Variants in NDUFAF6 observed in about 807,000 individuals in gnomAD.
NDUFAF6 encodes NADH:ubiquinone oxidoreductase complex assembly factor 6, also known as NADH dehydrogenase (ubiquinone) complex I, assembly factor 6.
Under a neutral mutation model 40.8 loss-of-function variants are expected in NDUFAF6, and 45 were observed. That is an observed-to-expected ratio of 1.10 (90% confidence interval 0.87 to 1.42). The LOEUF is 1.42. Among genes scored for constraint, NDUFAF6 ranks in the 40% most tolerant of loss-of-function variants. The probability of loss-of-function intolerance (pLI) is 0.00; values close to 1 mark genes in which losing one functional copy is unlikely to be tolerated. For synonymous variants in NDUFAF6, 185 were observed against 155.9 expected (o/e 1.19, Z -1.39); for missense variants, 435 against 418.5 (o/e 1.04, Z -0.34).
upstream of NDUFAF6, among the ~76,000 whole-genome samples, chr8:95,020,124 G>A (rs910466758): frequency 2.0e-5 from 3 of 152,158 alleles, no homozygotes; most frequent in Non-Finnish European, 2.9e-5. Flanking sequence ...GCTTGAACCC[G>A]GGAGGTGGAA....
intron 1 of NDUFAF6, chr8:94,930,439 G>A (rs1586686984): frequency 6.2e-7 from 1 of 1,611,178 alleles, no homozygotes; most frequent in Non-Finnish European, 8.5e-7. Context: ...ATACATGTAA[G>A]CACAAACCAA....
At chr8:94,910,866 G>T (rs1422946314) in intron 1 of NDUFAF6, among the ~76,000 whole-genome samples, 1 of 95,250 alleles carries the variant, frequency 1.0e-5, no homozygotes, top group Admixed American at 1.1e-4. Context: ...TAAAAAGTAT[G>T]GTTCATCTAT....
At chr8:94,956,162 C>T (rs888845719), upstream of NDUFAF6, among the ~76,000 whole-genome samples, 14 of 152,200 alleles carry the variant, frequency 9.2e-5, no homozygotes, top group South Asian at 2.3e-3. Context: ...TCAGTGGTTC[C>T]GAGGTTAATG....
At chr8:95,079,738 A>G (rs964770898), downstream of NDUFAF6, among the ~76,000 whole-genome samples, 3 of 150,448 alleles carry the variant, frequency 2.0e-5, no homozygotes, top group Non-Finnish European at 4.4e-5. Flanking sequence ...TTTTTGAGAC[A>G]GGGTCTTGCT....
At chr8:95,005,883 G>A (rs534277638) in intron 2 of NDUFAF6, among the ~76,000 whole-genome samples, 61 of 152,180 alleles carry the variant, frequency 4.0e-4, no homozygotes, top group African/African-American at 1.5e-3. Context: ...AACTATGCAT[G>A]CTTCCCCAGG....
At chr8:95,114,035 T>G (rs10102994) in intron 4 of NDUFAF6, among the ~76,000 whole-genome samples, 1 of 138,650 alleles carries the variant, frequency 7.2e-6, no homozygotes, top group African/African-American at 2.8e-5. Flanking sequence ...AGGGATAGCA[T>G]TGGGAGATAT....
downstream of NDUFAF6, among the ~76,000 whole-genome samples, chr8:95,116,709 G>A (rs1810143766): frequency 1.3e-5 from 2 of 152,166 alleles, no homozygotes; most frequent in Admixed American, 1.3e-4. Flanking sequence ...ATGTATTTAA[G>A]AGAACTGAAA....
intron 2 of NDUFAF6, among the ~76,000 whole-genome samples, chr8:95,083,034 G>C (rs572885124): frequency 1.1e-4 from 16 of 152,262 alleles, no homozygotes; most frequent in African/African-American, 3.9e-4. Flanking sequence ...TCCCGTCTCA[G>C]CCTCCCAAAG....
intron 9 of NDUFAF6, chr8:95,073,251 C>G (rs13261505): frequency 0.14 from 20,635 of 152,340 alleles, 1,486 homozygotes; most frequent in Middle Eastern, 0.22. Context: ...CTTGCGCGCG[C>G]AGCCAGGACA....
intron 2 of NDUFAF6, among the ~76,000 whole-genome samples, chr8:95,101,722 T>C (rs1190523820): frequency 6.6e-6 from 1 of 152,236 alleles, no homozygotes; most frequent in African/African-American, 2.4e-5. Context: ...TTATCTTAAT[T>C]GTTCATTCCC....
At chr8:94,956,620 C>T (rs1447897347), upstream of NDUFAF6, among the ~76,000 whole-genome samples, 1 of 152,028 alleles carries the variant, frequency 6.6e-6, no homozygotes, top group Non-Finnish European at 1.5e-5. Context: ...AAAAGAATCC[C>T]CCTGGCTACT....
In NDUFAF6 at chr8:95,058,084, C is replaced by A; in HGVS notation, c.*147C>A. 1.4e-6 allele frequency: 2 copies of A among 1,463,982 alleles called. No individual in the cohort carries two copies. Among genetic ancestry groups the A allele is most frequent in the Non-Finnish European group, 1.8e-6 (2 of 1,117,880 alleles). 90.7% of individuals were successfully genotyped at this position (1,463,982 alleles called of 1,614,324 possible). Reference sequence around the variant, plus strand: ...AGTAGCTCACAAAATTGAGAAGTTGCCGTGGGACTAGGGTGCCAAGACTGC... The same window carrying A: ...AGTAGCTCACAAAATTGAGAAGTTGACGTGGGACTAGGGTGCCAAGACTGC... On this transcript the variant is annotated 3_prime_UTR_variant, in exon 9 of 9. Coordinates refer to ENST00000396124, the MANE Select transcript of NDUFAF6 (RefSeq NM_152416.4).
chr8:94,916,496 AT>A (rs1287404160), intron 1 of NDUFAF6, among the ~76,000 whole-genome samples: 1 of 152,198 alleles, frequency 6.6e-6, no homozygotes, highest in Non-Finnish European at 1.5e-5. Context: ...ATAAAGCCAA[AT>A]TTTAGCTTAT....
chr8:95,079,942 GT>G, downstream of NDUFAF6, among the ~76,000 whole-genome samples: 1 of 141,966 alleles, frequency 7.0e-6, no homozygotes, highest in African/African-American at 2.6e-5. Flanking sequence ...TTTTGGTAGT[GT>G]ATTTTTGTAG....
chr8:95,081,143 C>CTTTTTTTTTTT (rs559573385), downstream of NDUFAF6, among the ~76,000 whole-genome samples: 1 of 57,758 alleles, frequency 1.7e-5, no homozygotes, highest in African/African-American at 8.0e-5. Context: ...AGTCCTGCAT[C>CTTTTTTTTTTT]TTTTTTTTTT....
downstream of NDUFAF6, among the ~76,000 whole-genome samples, chr8:95,076,827 C>T (rs531612090): frequency 2.7e-5 from 4 of 146,816 alleles, no homozygotes; most frequent in East Asian, 6.1e-4. Flanking sequence ...GAGCCGAGAT[C>T]GTGCCATTGC....
chr8:94,936,076 C>G (rs2956200), intron 1 of NDUFAF6, among the ~76,000 whole-genome samples: 3 of 152,200 alleles, frequency 2.0e-5, no homozygotes, highest in Non-Finnish European at 4.4e-5. Flanking sequence ...CTGTGAACAC[C>G]TCTCAGTAAC....
chr8:95,005,189 G>C (rs1401233526), intron 2 of NDUFAF6, among the ~76,000 whole-genome samples: 1 of 152,106 alleles, frequency 6.6e-6, no homozygotes, highest in East Asian at 1.9e-4. Flanking sequence ...TAGTGTTGCT[G>C]TCGGGAGTAA....
intron 9 of NDUFAF6, among the ~76,000 whole-genome samples, chr8:95,073,712 C>G (rs1476265015): frequency 6.6e-6 from 1 of 152,098 alleles, no homozygotes; most frequent in Non-Finnish European, 1.5e-5. Context: ...CAGGACATGT[C>G]GAGGACAGAG....
Sources: gnomAD v4.1 joint callset for allele counts (sites outside exome capture counted in the v4.1 genomes callset) on GRCh38, gnomAD v4.1.1 for gene constraint, MANE v1.5 for transcripts, NCBI Gene and HGNC (gene_info 2026-07-23, HGNC 2026-07-21) for gene names.